The following SV2C variants were observed in gnomAD, a reference collection of about 807,000 sequenced individuals.
The protein encoded by SV2C is synaptic vesicle glycoprotein 2C, also known as solute carrier family 22 member B3.
In SV2C, 49 loss-of-function variants were observed where a neutral mutation model predicts 79.7. That is an observed-to-expected ratio of 0.61 (90% CI 0.49 to 0.78). SV2C has a LOEUF of 0.78. SV2C is among the 30% of genes least tolerant of loss of function. The pLI, the probability that SV2C is intolerant of heterozygous loss-of-function variation, is 0.00. For synonymous variants in SV2C, 334 were observed against 333.2 expected (o/e 1.00, Z -0.03); for missense variants, 833 against 912.9 (o/e 0.91, Z 1.13).
the SV2C span, among the ~76,000 whole-genome samples, chr5:76,072,471 G>C: frequency 6.6e-6 from 1 of 152,164 alleles, no homozygotes; most frequent in African/African-American, 2.4e-5. Context: ...TTGACCCTAA[G>C]AGCTAACAAG....
chr5:76,223,914 G>A (rs984362173), intron 4 of SV2C, among the ~76,000 whole-genome samples: 2 of 152,040 alleles, frequency 1.3e-5, no homozygotes, highest in Admixed American at 1.3e-4. Context: ...TACGTGGTGG[G>A]GATGGGGAAG....
the SV2C span, among the ~76,000 whole-genome samples, chr5:76,036,782 A>G: frequency 6.6e-6 from 1 of 152,052 alleles, no homozygotes; most frequent in Non-Finnish European, 1.5e-5. Context: ...CTGAATCTGA[A>G]TGTTGGCCTG....
chr5:75,880,111 C>T, the SV2C span, among the ~76,000 whole-genome samples: 1 of 152,144 alleles, frequency 6.6e-6, no homozygotes, highest in Non-Finnish European at 1.5e-5. Context: ...CCCATGAAAC[C>T]ATTCTTTCCC....
At chr5:75,966,861 T>C in the SV2C span, among the ~76,000 whole-genome samples, 3 of 152,162 alleles carry the variant, frequency 2.0e-5, no homozygotes, top group Admixed American at 1.3e-4. Context: ...TACTGCATTG[T>C]ATGGTAGAAA....
the SV2C span, chr5:76,075,900 T>C: frequency 4.5e-6 from 1 of 223,580 alleles, no homozygotes; most frequent in Admixed American, 4.1e-5. Flanking sequence ...GCACCACTTC[T>C]CTCAGGGCAC....
chr5:76,273,757 C>T (rs1024394985), intron 4 of SV2C, among the ~76,000 whole-genome samples: 14 of 152,210 alleles, frequency 9.2e-5, no homozygotes, highest in Admixed American at 6.5e-5. Context: ...GGAATTTAAC[C>T]CCTGGACTCT....
intron 12 of SV2C, among the ~76,000 whole-genome samples, chr5:76,348,184 T>C (rs1561328697): frequency 6.6e-6 from 1 of 152,208 alleles, no homozygotes; most frequent in Non-Finnish European, 1.5e-5. Flanking sequence ...ATGTAGCCTT[T>C]TCAGATTGGC....
intron 4 of SV2C, among the ~76,000 whole-genome samples, chr5:76,220,327 C>A (rs987480036): frequency 1.2e-4 from 18 of 152,050 alleles, no homozygotes; most frequent in Admixed American, 2.6e-4. Flanking sequence ...TCCTAGGAAA[C>A]CACTGGACCC....
chr5:76,112,647 A>G (rs970891146), intron 1 of SV2C, among the ~76,000 whole-genome samples: 1 of 152,254 alleles, frequency 6.6e-6, no homozygotes, highest in Non-Finnish European at 1.5e-5. Context: ...GGTAGTGTTC[A>G]GGTGACACGT....
At chr5:76,237,840 G>A (rs1745656467) in intron 4 of SV2C, among the ~76,000 whole-genome samples, 1 of 151,952 alleles carries the variant, frequency 6.6e-6, no homozygotes, top group Non-Finnish European at 1.5e-5. Context: ...TTTTCTGTGA[G>A]TTCTTATCTA....
intron 2 of SV2C, chr5:76,174,255 G>C: frequency 6.7e-7 from 1 of 1,487,650 alleles, no homozygotes; most frequent in Non-Finnish European, 9.4e-7. Flanking sequence ...AGCCAGCGTC[G>C]CCCCGTGCTC....
the SV2C span, among the ~76,000 whole-genome samples, chr5:75,915,941 G>A: frequency 9.2e-5 from 14 of 152,224 alleles, no homozygotes; most frequent in African/African-American, 2.6e-4. Context: ...GGGCTCTTGC[G>A]TGCTTGCAAA....
chr5:75,926,009 C>T, the SV2C span, among the ~76,000 whole-genome samples: 5 of 151,838 alleles, frequency 3.3e-5, no homozygotes, highest in African/African-American at 1.2e-4. Context: ...CATTGAAACA[C>T]TAACATCTGA....
At chr5:75,921,062 C>T in the SV2C span, 25 of 747,072 alleles carry the variant, frequency 3.3e-5, no homozygotes, top group South Asian at 4.9e-5. Context: ...CTTGTAGTAG[C>T]GGGCAGTGTC....
chr5:76,070,252 C>G, the SV2C span, among the ~76,000 whole-genome samples: 1 of 152,166 alleles, frequency 6.6e-6, no homozygotes, highest in Admixed American at 6.5e-5. Flanking sequence ...TTTCCATTTG[C>G]TCCTTTTACT....
intron 4 of SV2C, among the ~76,000 whole-genome samples, chr5:76,249,478 A>T (rs1482295784): frequency 6.6e-6 from 1 of 152,182 alleles, no homozygotes; most frequent in Non-Finnish European, 1.5e-5. Context: ...AATATTCAAC[A>T]TTGGCTTTGG....
rs377276595 is a variant in SV2C at position 76,268,884 on chromosome 5, G to A, written c.914-16278G>A. On this transcript the variant is annotated intron_variant, in intron 4 of 12. Coordinates refer to ENST00000502798, the MANE Select transcript of SV2C (RefSeq NM_014979.4). Reference sequence around the variant, plus strand: ...ATAACAAAAAAGTATATTCAAAAGAGCTTATAATTGCATAGCAAAAACTAA... The same window carrying A: ...ATAACAAAAAAGTATATTCAAAAGAACTTATAATTGCATAGCAAAAACTAA... 2.6e-5 allele frequency among the ~76,000 whole-genome samples: 4 copies of A among 152,164 alleles called. No individual in the cohort carries two copies. The South Asian group carries it at 6.2e-4, about 24-fold the overall frequency.
chr5:76,033,135 T>A, the SV2C span, among the ~76,000 whole-genome samples: 2 of 152,184 alleles, frequency 1.3e-5, no homozygotes, highest in Admixed American at 1.3e-4. Context: ...TCATTGTAGA[T>A]TCTGGATATT....
rs143595080 is a variant in SV2C, at chr5:76,097,009, G to A, written c.-102+13497G>A. Reference sequence around the variant, plus strand: ...TTTCTCTCTATATTTATATCCATATGCATCCTTCTAGTTCTGTTTCTCTGA... The same window carrying A: ...TTTCTCTCTATATTTATATCCATATACATCCTTCTAGTTCTGTTTCTCTGA... On this transcript the variant is annotated intron_variant, in intron 1 of 12. Transcript: ENST00000502798. 4.4e-4 allele frequency among the ~76,000 whole-genome samples: 67 copies of A among 152,036 alleles called. No homozygotes were observed. The East Asian group carries it at 0.013, about 28-fold the overall frequency.
Sources: allele counts gnomAD v4.1 joint callset (sites outside exome capture counted in the v4.1 genomes callset), GRCh38; gene constraint gnomAD v4.1.1; transcripts MANE v1.5; gene names NCBI Gene and HGNC (gene_info 2026-07-23, HGNC 2026-07-21).